Variants in TTC28 observed in about 807,000 individuals in gnomAD.
TTC28 encodes the protein tetratricopeptide repeat protein 28.
In TTC28, 61 loss-of-function variants were observed where a neutral mutation model predicts 198.0. That is an observed-to-expected ratio of 0.31 (90% confidence interval 0.25 to 0.38). The LOEUF (loss-of-function observed/expected upper bound fraction) is 0.38, where lower values mean the gene tolerates loss of function less well. Among genes scored for constraint, TTC28 ranks in the 10% least tolerant of loss-of-function variants. The pLI, the probability that TTC28 is intolerant of heterozygous loss-of-function variation, is 1.00. For synonymous variants in TTC28, 1,171 were observed against 1,297.8 expected (o/e 0.90, Z 2.10); for missense variants, 2,678 against 3,164.0 (o/e 0.85, Z 3.69).
At chr22:28,488,098 T>C (rs1392117738) in intron 2 of TTC28, among the ~76,000 whole-genome samples, 2 of 152,146 alleles carry the variant, frequency 1.3e-5, no homozygotes, top group East Asian at 1.9e-4. Context: ...AGAGAACCAG[T>C]TGCAAATCCT....
chr22:28,211,076 A>G (rs545414361), intron 5 of TTC28, among the ~76,000 whole-genome samples: 141 of 152,292 alleles, frequency 9.3e-4, no homozygotes, highest in Middle Eastern at 3.4e-3. Context: ...ACAGACAAGC[A>G]AATGCTGAGA....
intron 1 of TTC28, among the ~76,000 whole-genome samples, chr22:28,660,957 GA>G (rs1419796570): frequency 6.6e-6 from 1 of 151,916 alleles, no homozygotes; most frequent in Non-Finnish European, 1.5e-5. Context: ...AGTTGCATAG[GA>G]AATTAGAATC....
At chr22:28,655,888 C>G (rs1033597427) in intron 1 of TTC28, among the ~76,000 whole-genome samples, 2 of 151,744 alleles carry the variant, frequency 1.3e-5, no homozygotes, top group Non-Finnish European at 2.9e-5. Context: ...CCCCCACCCT[C>G]AAAATAGGTA....
At position 28,510,537 on chromosome 22, in the gene TTC28, C is replaced by A. The variant is rs1383499180; in HGVS notation, c.381+119015G>T. Reference sequence around the variant, plus strand: ...CATACCTCAAAATAGTAATAGCCATCTATGACAAACCCACAACCAATATCA... The same window carrying A: ...CATACCTCAAAATAGTAATAGCCATATATGACAAACCCACAACCAATATCA... On this transcript the variant is annotated intron_variant, in intron 2 of 22. Transcript: ENST00000397906. Among the ~76,000 whole-genome samples, 3 of 152,250 alleles carry A rather than the reference C, an allele frequency of 2.0e-5. No homozygotes were observed. In the East Asian group the frequency reaches 5.8e-4, roughly 29 times the overall value.
At chr22:28,300,954 G>A (rs1050652773) in intron 3 of TTC28, among the ~76,000 whole-genome samples, 59 of 152,256 alleles carry the variant, frequency 3.9e-4, no homozygotes, top group African/African-American at 1.4e-3. Context: ...TTGGTCAAAC[G>A]CGTAGGTTGA....
chr22:28,339,275 G>T (rs1001263633), intron 2 of TTC28, among the ~76,000 whole-genome samples: 2 of 152,144 alleles, frequency 1.3e-5, no homozygotes, highest in African/African-American at 4.8e-5. Flanking sequence ...GGAGTACCTG[G>T]CTGTGTGAGG....
intron 2 of TTC28, among the ~76,000 whole-genome samples, chr22:28,389,967 C>A (rs2146060289): frequency 6.6e-6 from 1 of 151,416 alleles, no homozygotes; most frequent in African/African-American, 2.4e-5. Context: ...CCTGCTTTCT[C>A]TTGTGGGCAT....
intron 2 of TTC28, among the ~76,000 whole-genome samples, chr22:28,403,370 CAGA>C (rs1008557414): frequency 3.9e-5 from 6 of 152,136 alleles, no homozygotes; most frequent in Non-Finnish European, 5.9e-5. Flanking sequence ...TACTGATGTC[CAGA>C]AGAAGATGTG....
chr22:27,988,895 C>G (rs1358625516), intron 21 of TTC28, among the ~76,000 whole-genome samples: 1 of 152,174 alleles, frequency 6.6e-6, no homozygotes, highest in Non-Finnish European at 1.5e-5. Flanking sequence ...CTAAGGCGTC[C>G]CTTAGACACT....
intron 2 of TTC28, among the ~76,000 whole-genome samples, chr22:28,479,688 C>T (rs142456153): frequency 2.6e-5 from 4 of 152,260 alleles, no homozygotes; most frequent in Non-Finnish European, 5.9e-5. Flanking sequence ...CTTACATGAG[C>T]ATAAGTATAT....
chr22:28,446,795 C>G (rs2047709711), intron 2 of TTC28, among the ~76,000 whole-genome samples: 1 of 152,140 alleles, frequency 6.6e-6, no homozygotes, highest in Admixed American at 6.5e-5. Context: ...CAAAAACAGA[C>G]TAACAGATAA....
chr22:28,120,635 A>G (rs1164782875), intron 6 of TTC28, among the ~76,000 whole-genome samples: 3 of 152,208 alleles, frequency 2.0e-5, no homozygotes, highest in African/African-American at 4.8e-5. Context: ...CCCAGGGAGG[A>G]TAAGTGGACA....
chr22:28,332,106 G>A (rs1291359566), intron 2 of TTC28, among the ~76,000 whole-genome samples: 2 of 152,016 alleles, frequency 1.3e-5, no homozygotes, highest in African/African-American at 2.4e-5. Flanking sequence ...TTTTAGAGAT[G>A]AATATTCAGA....
intron 5 of TTC28, among the ~76,000 whole-genome samples, chr22:28,274,622 A>T (rs559352822): frequency 2.0e-5 from 3 of 152,214 alleles, no homozygotes; most frequent in Non-Finnish European, 2.9e-5. Flanking sequence ...CAAGAGAGAA[A>T]GATTGTTTCT....
chr22:28,248,480 T>C (rs1930270022), intron 5 of TTC28, among the ~76,000 whole-genome samples: 1 of 152,168 alleles, frequency 6.6e-6, no homozygotes, highest in Non-Finnish European at 1.5e-5. Context: ...AAAAAAATAT[T>C]GTGAAGATAA....
At chr22:28,486,854 A>T (rs695700) in intron 2 of TTC28, among the ~76,000 whole-genome samples, 81,985 of 152,120 alleles carry the variant, frequency 0.54, 22,522 homozygotes, top group South Asian at 0.58. Flanking sequence ...ATTATGACAT[A>T]AAATACCATG....
intron 12 of TTC28, among the ~76,000 whole-genome samples, chr22:28,047,691 T>C (rs1181839807): frequency 2.0e-5 from 3 of 152,118 alleles, no homozygotes; most frequent in Admixed American, 6.5e-5. Flanking sequence ...CCCATTACTC[T>C]CAGCAGGCTT....
At chr22:28,308,910 G>T (rs1226942983) in intron 2 of TTC28, among the ~76,000 whole-genome samples, 1 of 152,160 alleles carries the variant, frequency 6.6e-6, no homozygotes, top group African/African-American at 2.4e-5. Flanking sequence ...ATAGCATAAT[G>T]AGTACAGCTC....
intron 16 of TTC28, chr22:27,997,518 C>A (rs536883446): frequency 2.6e-5 from 4 of 152,232 alleles, no homozygotes; most frequent in African/African-American, 9.7e-5. Context: ...GAAAATGACA[C>A]CAGCAATATC....
Sources: gnomAD v4.1 joint callset for allele counts (sites outside exome capture counted in the v4.1 genomes callset) on GRCh38, gnomAD v4.1.1 for gene constraint, MANE v1.5 for transcripts, NCBI Gene and HGNC (gene_info 2026-07-23, HGNC 2026-07-21) for gene names.